The following GLI2 variants were observed in gnomAD, a reference collection of about 807,000 sequenced individuals.
The protein encoded by GLI2 is GLI family zinc finger 2.
GLI2 carries 22 observed loss-of-function variants against 78.9 expected under a neutral mutation model. The observed-to-expected ratio is 0.28, with a 90% CI of 0.20 to 0.40. The LOEUF is 0.40. Among genes scored for constraint, GLI2 ranks in the 10% least tolerant of loss-of-function variants. The pLI is 1.00. For missense variants in GLI2, 2,097 were observed against 2,213.2 expected (o/e 0.95, Z 1.05); for synonymous variants, 974 against 963.7 (o/e 1.01, Z -0.20).
chr2:120,766,106 C>G (rs533767693), intron 1 of GLI2, among the ~76,000 whole-genome samples: 1 of 152,126 alleles, frequency 6.6e-6, no homozygotes, highest in Non-Finnish European at 1.5e-5. Context: ...GGGGAGGGTT[C>G]GGAGGTTCAC....
intron 1 of GLI2, among the ~76,000 whole-genome samples, chr2:120,748,481 G>T (rs547098722): frequency 1.6e-4 from 24 of 152,308 alleles, no homozygotes; most frequent in African/African-American, 5.5e-4. Context: ...ACCTCATAGG[G>T]CAAGTGCTGG....
At chr2:120,825,191 G>A (rs1685988024) in intron 2 of GLI2, among the ~76,000 whole-genome samples, 1 of 152,210 alleles carries the variant, frequency 6.6e-6, no homozygotes, top group Non-Finnish European at 1.5e-5. Flanking sequence ...ATTGAAGCAA[G>A]TACTTAGAAT....
intron 2 of GLI2, among the ~76,000 whole-genome samples, chr2:120,797,678 G>T (rs1309267990): frequency 5.3e-5 from 8 of 152,082 alleles, no homozygotes; most frequent in Admixed American, 6.5e-5. Flanking sequence ...AGTCCAGGGG[G>T]CTGAGCTGCC....
intron 1 of GLI2, among the ~76,000 whole-genome samples, chr2:120,784,790 C>T (rs922682783): frequency 3.9e-5 from 6 of 152,168 alleles, no homozygotes; most frequent in African/African-American, 1.4e-4. Context: ...AGGAAACCTT[C>T]CTTGACTCCC....
chr2:120,803,183 A>G (rs1170799153), intron 2 of GLI2, among the ~76,000 whole-genome samples: 2 of 152,222 alleles, frequency 1.3e-5, no homozygotes, highest in Non-Finnish European at 2.9e-5. Context: ...TAGTGCAGGC[A>G]GTGCTAAGGA....
chr2:120,971,806 C>T, intron 7 of GLI2, 135 bp from the exon 8 acceptor site: 1 of 805,632 alleles, frequency 1.2e-6, no homozygotes, highest in Admixed American at 1.9e-5. Context: ...GCTGGGGACT[C>T]TATTTCTGAT....
chr2:120,830,917 T>C (rs1686327464), intron 2 of GLI2, among the ~76,000 whole-genome samples: 2 of 151,946 alleles, frequency 1.3e-5, no homozygotes, highest in South Asian at 4.2e-4. Flanking sequence ...CCTGGATCAC[T>C]CTGTGTCTCT....
intron 2 of GLI2, among the ~76,000 whole-genome samples, chr2:120,846,966 C>T (rs1365472825): frequency 2.0e-5 from 3 of 152,102 alleles, no homozygotes; most frequent in Non-Finnish European, 2.9e-5. Context: ...GTCTTTCCAG[C>T]TCCTAATAAA....
rs192464465 is a variant in GLI2 at position 120,927,239 on chromosome 2, C to T, written c.149-122C>T. 120 of 791,874 alleles carry T rather than the reference C, an allele frequency of 1.5e-4. 1 individual carries two copies. In the East Asian group the frequency reaches 2.6e-3, roughly 17 times the overall value. 49.1% of individuals were successfully genotyped at this position (791,874 alleles called of 1,614,324 possible). A position where few individuals can be genotyped will look rare whatever the true frequency, so the allele number is the denominator to read the frequency against. ...TGGGTGTGTGATCGCGCGGGCACTG[C>T]GGAGCCCCTTGTCCTGGCTGCTCTT... On this transcript the variant is annotated intron_variant, in intron 2 of 13. Transcript: ENST00000361492.
intron 5 of GLI2, among the ~76,000 whole-genome samples, chr2:120,958,666 A>G (rs1221667261): frequency 1.3e-5 from 2 of 152,046 alleles, no homozygotes; most frequent in African/African-American, 4.8e-5. Context: ...TCTCCACTGC[A>G]CACTGGTCTT....
chr2:120,884,044 G>A (rs921975981), intron 2 of GLI2, among the ~76,000 whole-genome samples: 46 of 152,282 alleles, frequency 3.0e-4, no homozygotes, highest in Non-Finnish European at 1.0e-4. Context: ...TGAAGTTAGG[G>A]CAGCCCCAGC....
intron 2 of GLI2, among the ~76,000 whole-genome samples, chr2:120,912,775 C>T (rs542052097): frequency 1.3e-4 from 20 of 152,238 alleles, no homozygotes; most frequent in African/African-American, 3.1e-4. Flanking sequence ...CACCCACTCC[C>T]GTGTCTGGGA....
chr2:120,915,280 G>A (rs1336761733), intron 2 of GLI2, among the ~76,000 whole-genome samples: 1 of 152,370 alleles, frequency 6.6e-6, no homozygotes, highest in South Asian at 2.1e-4. Context: ...TGTCTGCAGG[G>A]CAGGCCTGAT....
chr2:120,981,596 C>T (rs1162581142), intron 10 of GLI2, among the ~76,000 whole-genome samples: 1 of 152,102 alleles, frequency 6.6e-6, no homozygotes, highest in Non-Finnish European at 1.5e-5. Context: ...AGATAAAAGG[C>T]GTTTGGAGCC....
chr2:120,872,950 G>C (rs1299569922), intron 2 of GLI2, among the ~76,000 whole-genome samples: 1 of 152,200 alleles, frequency 6.6e-6, no homozygotes, highest in Admixed American at 6.5e-5. Context: ...TGACAGACAC[G>C]AAAGAGGCTA....
rs757164059 is a variant in GLI2 at position 120,988,536 on chromosome 2, C to G, written c.2571C>G (p.Gly857=). 37 of 1,503,376 alleles carry G rather than the reference C, an allele frequency of 2.5e-5. No homozygotes were observed. The Admixed American group carries it at 7.8e-4, about 32-fold the overall frequency. 93.1% of individuals were successfully genotyped at this position (1,503,376 alleles called of 1,614,324 possible). The change falls in exon 14 of 14, where the codon GGC becomes GGG. Residue 857 remains glycine, a synonymous_variant. Transcript: ENST00000361492. ...RRSSEASQCS[G]GSGLLNLTPA... The stretch of plus-strand genomic sequence containing the variant: ...CGAGCGAGGCCAGCCAGTGCAGCGG[C>G]GGCTCCGGGCTGCTCAACCTCACGC...
At chr2:120,779,215 C>T (rs1384306104) in intron 1 of GLI2, among the ~76,000 whole-genome samples, 1 of 152,202 alleles carries the variant, frequency 6.6e-6, no homozygotes, top group Non-Finnish European at 1.5e-5. Flanking sequence ...GATCAGGAAA[C>T]TGTGGCTCAG....
chr2:120,988,707 C>T lies in GLI2; in HGVS notation c.2742C>T (p.Cys914=), dbSNP rs1683110986. The change falls in exon 14 of 14, where the codon TGC becomes TGT. Residue 914 remains cysteine, a synonymous_variant. Coordinates refer to ENST00000361492, the MANE Select transcript of GLI2 (RefSeq NM_001374353.1). ...CCGAGCGCACGCTGCCCGCCGGCTG[C>T]CCACGCCCACTGGGGCCGCGGCGTG... ...DAPERTLPAG[C]PRPLGPRRGS... 1.6e-6 allele frequency: 2 copies of T among 1,225,058 alleles called. No homozygotes were observed. The highest frequency in any genetic ancestry group is 1.0e-6 in the Non-Finnish European group (1 of 978,238). 75.9% of individuals were successfully genotyped at this position (1,225,058 alleles called of 1,614,324 possible). A position where few individuals can be genotyped will look rare whatever the true frequency, so the allele number is the denominator to read the frequency against.
intron 1 of GLI2, among the ~76,000 whole-genome samples, chr2:120,781,138 G>A (rs1014359706): frequency 1.3e-5 from 2 of 152,244 alleles, no homozygotes; most frequent in African/African-American, 4.8e-5. Context: ...GGGAGGCTGA[G>A]ATGAGAGAAT....
Sources: gnomAD v4.1 joint callset for allele counts (sites outside exome capture counted in the v4.1 genomes callset) on GRCh38, gnomAD v4.1.1 for gene constraint, MANE v1.5 for transcripts, NCBI Gene and HGNC (gene_info 2026-07-23, HGNC 2026-07-21) for gene names.